LPIN2: variants seen among roughly 807,000 people sequenced by gnomAD.
LPIN2 encodes lipin 2.
LPIN2 carries 55 observed loss-of-function variants against 111.4 expected under a neutral mutation model. That is an observed-to-expected ratio of 0.49 (90% CI 0.40 to 0.62). The LOEUF (loss-of-function observed/expected upper bound fraction) is 0.62, where lower values mean the gene tolerates loss of function less well. Ranked by LOEUF, LPIN2 falls within the 20% of genes least tolerant of loss-of-function variation. LPIN2 has a pLI of 0.00. For missense variants in LPIN2, 992 were observed against 1,112.1 expected, an observed-to-expected ratio of 0.89 and a Z score of 1.54; for synonymous variants, 425 against 414.0, an observed-to-expected ratio of 1.03 and a Z score of -0.32.
At position 2,939,607 on chromosome 18, in the gene LPIN2, C is replaced by CA. The variant is rs772431476; in HGVS notation, c.699-5dup. 1 of 1,612,606 alleles carries CA rather than the reference C, an allele frequency of 6.2e-7. No homozygotes were observed. The highest frequency in any genetic ancestry group is 1.1e-5 in the South Asian group (1 of 91,028). On this transcript the variant is annotated splice_region_variant and splice_polypyrimidine_tract_variant and intron_variant, in intron 5 of 19. Transcript: ENST00000677752. ...ACACGCTGTCTGGGGATAGGTGCTG[C>CA]AAAGAGAACAAAGACACACGATGAC...
intron 1 of LPIN2, among the ~76,000 whole-genome samples, chr18:2,974,433 T>TA (rs2077975608): frequency 6.6e-6 from 1 of 152,226 alleles, no homozygotes; most frequent in African/African-American, 2.4e-5. Context: ...AGCCTGTTAT[T>TA]AGAGAAATCC....
intron 7 of LPIN2, 115 bp downstream of exon 7, chr18:2,937,577 A>T: frequency 1.7e-6 from 1 of 593,700 alleles, no homozygotes. Context: ...AAAAAGTGCG[A>T]CGGGTTTCGA....
At chr18:2,958,173 A>AAAAAAAAAT (rs2077650874) in intron 2 of LPIN2, among the ~76,000 whole-genome samples, 1 of 126,256 alleles carries the variant, frequency 7.9e-6, no homozygotes. Context: ...AAAAAAAAAA[A>AAAAAAAAAT]CAGAAAAAAG....
At chr18:3,012,510 AAACT>A (rs1455328666) in intron 1 of LPIN2, among the ~76,000 whole-genome samples, 1 of 152,228 alleles carries the variant, frequency 6.6e-6, no homozygotes, top group Non-Finnish European at 1.5e-5. Context: ...GGCTTTGAGA[AAACT>A]AACCACATTT....
In LPIN2 at chr18:2,922,087, G is replaced by C. The variant is rs745533997; in HGVS notation, c.2287C>G (p.Leu763Val). The C allele has an allele frequency of 1.2e-6, 2 of 1,613,852 alleles. No individual in the cohort carries two copies. Among genetic ancestry groups the C allele is most frequent in the South Asian group, 2.2e-5 (2 of 91,074 alleles). The change falls in exon 17 of 20, where the codon CTG (leucine) becomes GTG (valine). Residue 763 changes from leucine (L) to valine (V), a missense_variant. Coordinates refer to ENST00000677752, the MANE Select transcript of LPIN2 (RefSeq NM_001375808.2). ...DKGTILPRGP[L>V]MLSPSSLFSA... Reference sequence around the variant, plus strand: ...AACAAGCTGCTGGGGGACAGCATCAGGGGGCCCCGGGGCAAGATTGTGCCC... The same window carrying C: ...AACAAGCTGCTGGGGGACAGCATCACGGGGCCCCGGGGCAAGATTGTGCCC...
intron 3 of LPIN2, among the ~76,000 whole-genome samples, chr18:2,952,604 A>G (rs1382932657): frequency 6.6e-6 from 1 of 152,224 alleles, no homozygotes; most frequent in African/African-American, 2.4e-5. Context: ...TGTGTTCACC[A>G]GAAACACACA....
chr18:2,953,941 G>T (rs1224017146), intron 3 of LPIN2, among the ~76,000 whole-genome samples: 1 of 152,082 alleles, frequency 6.6e-6, no homozygotes, highest in African/African-American at 2.4e-5. Flanking sequence ...CTGGGGAGGG[G>T]GGATTTTAAC....
At chr18:2,944,696 G>A (rs1334793346) in intron 4 of LPIN2, among the ~76,000 whole-genome samples, 1 of 152,040 alleles carries the variant, frequency 6.6e-6, no homozygotes, top group African/African-American at 2.4e-5. Context: ...TTCCATCAGG[G>A]AGGCAAGATA....
Position 2,951,128 on chromosome 18 carries a change from C to A in LPIN2, c.517G>T (p.Ala173Ser), listed in dbSNP as rs140609636. 1 of 1,614,140 alleles carries A rather than the reference C, an allele frequency of 6.2e-7. No homozygotes were observed. The highest frequency in any genetic ancestry group is 1.1e-5 in the South Asian group (1 of 91,078). ...KQDSKKEEQAASAAAEDTCDV... is the reference protein window; with the variant it reads ...KQDSKKEEQASSAAAEDTCDV... The stretch of plus-strand genomic sequence containing the variant: ...CATGTGTCTTCTGCAGCAGCAGATG[C>A]GGCCTGCTCTTCCTTCTTACTGTCC... The change falls in exon 4 of 20, where the codon GCA becomes TCA. Residue 173 changes from alanine to serine, a missense_variant. By Grantham distance (99) the Ala-to-Ser change is moderately conservative. Around this residue, in one of 4 missense-constraint regions of LPIN2, gnomAD observed 709 missense variants for 753.2 expected, o/e 0.94. Coordinates refer to ENST00000677752, the MANE Select transcript of LPIN2 (RefSeq NM_001375808.2).
chr18:3,005,752 G>A (rs1290136903), intron 1 of LPIN2, among the ~76,000 whole-genome samples: 2 of 152,104 alleles, frequency 1.3e-5, no homozygotes, highest in Admixed American at 6.6e-5. Context: ...ACGGCCAGGT[G>A]TGGTGGCCCA....
intron 4 of LPIN2, among the ~76,000 whole-genome samples, chr18:2,943,945 T>C (rs775393728): frequency 6.6e-6 from 1 of 152,232 alleles, no homozygotes; most frequent in African/African-American, 2.4e-5. Flanking sequence ...TGTAAATTTT[T>C]CTTTGTAAGA....
chr18:2,920,610 G>C (rs950488359), intron 19 of LPIN2, among the ~76,000 whole-genome samples, 168 bp downstream of exon 19: 2 of 152,122 alleles, frequency 1.3e-5, no homozygotes, highest in Admixed American at 6.5e-5. Context: ...GATAACCAGA[G>C]ACCCCTCAAA....
At chr18:2,970,830 T>C (rs2077895887) in intron 1 of LPIN2, among the ~76,000 whole-genome samples, 1 of 152,246 alleles carries the variant, frequency 6.6e-6, no homozygotes, top group Non-Finnish European at 1.5e-5. Flanking sequence ...ATTAGGATTT[T>C]TGGATCTGTC....
intron 15 of LPIN2, 106 bp downstream of exon 15, chr18:2,924,292 G>A (rs2077099101): frequency 1.4e-6 from 2 of 1,426,670 alleles, no homozygotes; most frequent in African/African-American, 1.4e-5. Flanking sequence ...AAAATGCCTT[G>A]GCTGAGGGCT....
At chr18:2,967,227 T>A (rs2077819638) in intron 1 of LPIN2, among the ~76,000 whole-genome samples, 1 of 152,178 alleles carries the variant, frequency 6.6e-6, no homozygotes, top group Non-Finnish European at 1.5e-5. Context: ...GGGTCCCAAC[T>A]TTCTCCACTA....
intron 1 of LPIN2, among the ~76,000 whole-genome samples, chr18:2,995,636 A>G (rs2078329004): frequency 6.6e-6 from 1 of 152,228 alleles, no homozygotes; most frequent in South Asian, 2.1e-4. Flanking sequence ...GAGTGTCAAT[A>G]CCACATAGTC....
rs1179106649 is a variant in LPIN2, at chr18:2,996,467, CTTTTT to C, written c.-10+16615_-10+16619del. 5.2e-3 allele frequency among the ~76,000 whole-genome samples: 441 copies of C among 84,954 alleles called. 4 individuals carry two copies. Among genetic ancestry groups the C allele is most frequent in the African/African-American group, 0.019 (418 of 22,158 alleles). 55.7% of individuals were successfully genotyped at this position (84,954 alleles called of 152,430 possible). Reference sequence around the variant, plus strand: ...ACATGCTTACCTCCCAGGAAAATATCTTTTTTTTTTTTTTTTTTTTTTTTTTTTGA... The same window carrying C: ...ACATGCTTACCTCCCAGGAAAATATCTTTTTTTTTTTTTTTTTTTTTTTGA... On this transcript the variant is annotated intron_variant, in intron 1 of 19. Transcript: ENST00000677752.
intron 1 of LPIN2, among the ~76,000 whole-genome samples, chr18:3,011,031 G>A (rs1343923292): frequency 6.6e-6 from 1 of 152,080 alleles, no homozygotes; most frequent in East Asian, 1.9e-4. Flanking sequence ...AACAGACCTC[G>A]ACCGAATCGC....
chr18:2,965,731 C>CAAAAAA (rs35530040), intron 1 of LPIN2, among the ~76,000 whole-genome samples: 1 of 103,258 alleles, frequency 9.7e-6, no homozygotes, highest in Non-Finnish European at 1.9e-5. Context: ...CTCCCAATCT[C>CAAAAAA]AAAAAAAAAA....
Sources: gnomAD v4.1 joint callset for allele counts (sites outside exome capture counted in the v4.1 genomes callset) on GRCh38, gnomAD v4.1.1 for gene constraint, gnomAD v4.1.1 regional missense constraint, MANE v1.5 for transcripts, NCBI Gene and HGNC (gene_info 2026-07-23, HGNC 2026-07-21) for gene names.